Variants in APCDD1 observed in about 807,000 individuals in gnomAD.
The protein encoded by APCDD1 is APC down-regulated 1, also known as protein APCDD1.
A neutral mutation model predicts 38.1 loss-of-function variants in APCDD1; 15 were observed. The ratio of observed to expected loss-of-function variants is 0.39; its 90% CI spans 0.26 to 0.61. APCDD1 has a LOEUF of 0.61. Ranked by LOEUF, APCDD1 falls within the 20% of genes least tolerant of loss-of-function variation. APCDD1 has a pLI of 0.49. For synonymous variants in APCDD1, 261 were observed against 279.7 expected (o/e 0.93, Z 0.67); for missense variants, 647 against 696.2 (o/e 0.93, Z 0.79).
At chr18:10,482,302 G>C (rs560763382) in intron 3 of APCDD1, among the ~76,000 whole-genome samples, 1 of 152,310 alleles carries the variant, frequency 6.6e-6, no homozygotes, top group African/African-American at 2.4e-5. Context: ...AATTACAGAT[G>C]GCAAACCAAG....
intron 1 of APCDD1, among the ~76,000 whole-genome samples, chr18:10,463,361 C>A (rs1217669917): frequency 6.6e-6 from 1 of 152,064 alleles, no homozygotes; most frequent in Non-Finnish European, 1.5e-5. Context: ...CCCTTCAGAG[C>A]CTTACTGATT....
chr18:10,463,963 G>A (rs566051937), intron 1 of APCDD1, among the ~76,000 whole-genome samples: 3 of 152,226 alleles, frequency 2.0e-5, no homozygotes, highest in Non-Finnish European at 4.4e-5. Flanking sequence ...TGCACTGCCA[G>A]CCTCGCTGGG....
chr18:10,474,930 G>C (rs1031757084), intron 3 of APCDD1, among the ~76,000 whole-genome samples: 2 of 152,252 alleles, frequency 1.3e-5, no homozygotes, highest in Admixed American at 1.3e-4. Context: ...AAATTGGCAA[G>C]TATGTGGACT....
At chr18:10,466,177 A>C (rs934282867) in intron 1 of APCDD1, among the ~76,000 whole-genome samples, 2 of 152,254 alleles carry the variant, frequency 1.3e-5, no homozygotes, top group Admixed American at 6.5e-5. Context: ...CCCACCAGAC[A>C]GCAAGTTATA....
At chr18:10,459,085 T>C (rs1263628052) in intron 1 of APCDD1, among the ~76,000 whole-genome samples, 1 of 152,240 alleles carries the variant, frequency 6.6e-6, no homozygotes, top group East Asian at 1.9e-4. Context: ...GTTTCATTCA[T>C]TCAGCTAACC....
chr18:10,477,945 G>A (rs1277819789), intron 3 of APCDD1: 4 of 152,168 alleles, frequency 2.6e-5, no homozygotes, highest in African/African-American at 9.7e-5. Flanking sequence ...GTTGCTGGGT[G>A]AGGCAAAATG....
Position 10,467,199 on chromosome 18 carries a change from T to C in APCDD1, c.59-1270T>C, listed in dbSNP as rs2030737067. Among the ~76,000 whole-genome samples, 1 of 152,272 alleles carries C rather than the reference T, an allele frequency of 6.6e-6. No individual in the cohort carries two copies. Among genetic ancestry groups the C allele is most frequent in the Non-Finnish European group, 1.5e-5 (1 of 68,050 alleles). ...AGTTTATCCAGGTAGATTTTCGTCA[T>C]GTTGCTGTAAGTGACTATATTCTGA... On this transcript the variant is annotated intron_variant, in intron 1 of 4. Coordinates refer to ENST00000355285, the MANE Select transcript of APCDD1 (RefSeq NM_153000.5). This position sits in a 1 kb window ranked among gnomAD's most constrained non-coding sequence, Gnocchi z 4.8.
Position 10,471,393 on chromosome 18 carries a change from C to A in APCDD1, c.243-137C>A. The A allele has an allele frequency of 8.9e-7, 1 of 1,119,290 alleles. No individual in the cohort carries two copies. Among genetic ancestry groups the A allele is most frequent in the Non-Finnish European group, 1.3e-6 (1 of 769,166 alleles). 69.3% of individuals were successfully genotyped at this position (1,119,290 alleles called of 1,614,324 possible). A position where few individuals can be genotyped will look rare whatever the true frequency, so the allele number is the denominator to read the frequency against. ...TTGTGAGGAGTCAATGAGTTGGTAT[C>A]TATAAAGGGCTGACAACAGAGTCTG... On this transcript the variant is annotated intron_variant, in intron 2 of 4. Transcript: ENST00000355285. The surrounding 1 kb of genome is among the most constrained non-coding windows in gnomAD (Gnocchi z 5.5).
chr18:10,468,744 C>T, intron 2 of APCDD1, 92 bp downstream of exon 2: 3 of 1,326,808 alleles, frequency 2.3e-6, no homozygotes, highest in Non-Finnish European at 3.2e-6. Flanking sequence ...GACTTTATAT[C>T]ATTTACAATG....
intron 3 of APCDD1, among the ~76,000 whole-genome samples, chr18:10,481,589 G>T (rs2031138552): frequency 1.3e-5 from 2 of 151,682 alleles, no homozygotes; most frequent in Non-Finnish European, 2.9e-5. Flanking sequence ...GGAAGATGAA[G>T]AGGTTCCAGG....
At chr18:10,473,268 A>G (rs1294414544) in intron 3 of APCDD1, among the ~76,000 whole-genome samples, 1 of 152,146 alleles carries the variant, frequency 6.6e-6, no homozygotes, top group Admixed American at 6.5e-5. Context: ...ATAATGAAAT[A>G]GCTACTGAGA....
chr18:10,461,865 T>C (rs1162974518), intron 1 of APCDD1, among the ~76,000 whole-genome samples: 1 of 152,200 alleles, frequency 6.6e-6, no homozygotes, highest in African/African-American at 2.4e-5. Context: ...ATGTTGACAT[T>C]ATTTGTGTGT....
In APCDD1 at chr18:10,476,236, C is replaced by T. The variant is rs1045477322; in HGVS notation, c.774+4175C>T. ...AGTTTCAAACCACGAGCCTCAGCCC[C>T]TCTAGAAACAGGACACCGTGTAAAA... On this transcript the variant is annotated intron_variant, in intron 3 of 4. Transcript: ENST00000355285. The surrounding 1 kb of genome is among the most constrained non-coding windows in gnomAD (Gnocchi z 5.8). The T allele has an allele frequency of 1.3e-5, 2 of 152,232 alleles. No individual in the cohort carries two copies. The highest frequency in any genetic ancestry group is 2.4e-5 in the African/African-American group (1 of 41,452). The allele number at this position is 152,232 out of a possible 1,614,324, so 9.4% of individuals were successfully genotyped here. A position where few individuals can be genotyped will look rare whatever the true frequency, so the allele number is the denominator to read the frequency against.
chr18:10,466,415 G>T (rs2030715693), intron 1 of APCDD1, among the ~76,000 whole-genome samples: 1 of 151,866 alleles, frequency 6.6e-6, no homozygotes. Flanking sequence ...GGGTGCCCAT[G>T]ATAGGAGTGC....
At chr18:10,477,972 T>A (rs189015383) in intron 3 of APCDD1, 19 of 152,312 alleles carry the variant, frequency 1.2e-4, no homozygotes, top group Admixed American at 1.0e-3. Flanking sequence ...TTTATTATTC[T>A]AATGTTAACT....
At chr18:10,455,643 C>T (rs544444261) in intron 1 of APCDD1, among the ~76,000 whole-genome samples, 3 of 152,244 alleles carry the variant, frequency 2.0e-5, no homozygotes, top group Admixed American at 1.3e-4. Context: ...ACAGGGGACC[C>T]CTATTAGCCA....
At chr18:10,464,588 A>G (rs1010705335) in intron 1 of APCDD1, among the ~76,000 whole-genome samples, 1 of 151,750 alleles carries the variant, frequency 6.6e-6, no homozygotes, top group African/African-American at 2.4e-5. Context: ...GTGCCTGGCT[A>G]TTTTTATTTT....
At chr18:10,473,607 C>CT (rs2030917326) in intron 3 of APCDD1, among the ~76,000 whole-genome samples, 1 of 152,224 alleles carries the variant, frequency 6.6e-6, no homozygotes, top group African/African-American at 2.4e-5. Context: ...AAACTCTGCC[C>CT]TTCAACATGT....
chr18:10,478,894 C>T (rs1023028929), intron 3 of APCDD1, among the ~76,000 whole-genome samples: 8 of 152,302 alleles, frequency 5.3e-5, no homozygotes, highest in Non-Finnish European at 1.0e-4. Context: ...AAAAGCACCC[C>T]GAGTTCCCTC....
Sources: gnomAD v4.1 joint callset for allele counts (sites outside exome capture counted in the v4.1 genomes callset) on GRCh38, gnomAD v4.1.1 for gene constraint, Gnocchi (gnomAD v3.1) non-coding constraint, MANE v1.5 for transcripts, NCBI Gene and HGNC (gene_info 2026-07-23, HGNC 2026-07-21) for gene names.